Variants in WDR25 observed in about 807,000 individuals in gnomAD.
The protein encoded by WDR25 is WD repeat domain 25, also known as WD repeat-containing protein 25.
Under a neutral mutation model 47.7 loss-of-function variants are expected in WDR25, and 35 were observed. That is an observed-to-expected ratio of 0.73 (90% CI 0.56 to 0.97). The LOEUF is 0.97. Ranked by LOEUF, WDR25 falls within the 50% of genes least tolerant of loss-of-function variation. WDR25 has a pLI of 0.00. For synonymous variants in WDR25, 248 were observed against 278.9 expected, an observed-to-expected ratio of 0.89 and a Z score of 1.10; for missense variants, 634 against 704.7, an observed-to-expected ratio of 0.90 and a Z score of 1.14.
In WDR25 at chr14:100,526,041, G is replaced by A. The variant is rs142505900; in HGVS notation, c.1272+1G>A. ...CAAAATCTCCAACCAGATTTTCCAC[G>A]TAAGAAATCCCATTTGGCATTGCTG... On this transcript the variant is annotated splice_donor_variant, in intron 5 of 6. Transcript: ENST00000402312. LOFTEE classifies it high-confidence loss of function. 2.4e-5 allele frequency: 39 copies of A among 1,613,852 alleles called. No individual in the cohort carries two copies. Among genetic ancestry groups the A allele is most frequent in the Non-Finnish European group, 3.1e-5 (36 of 1,179,956 alleles).
chr14:100,484,463 GGTGTGTGTGTGTGTGTGTGTGC>G (rs575039124), intron 4 of WDR25, among the ~76,000 whole-genome samples: 2 of 150,258 alleles, frequency 1.3e-5, no homozygotes, highest in South Asian at 2.1e-4. Context: ...ACAGAGAATT[GGTGTGTGTGTGTGTGTGTGTGC>G]GTGTGTGTGT....
At chr14:100,457,386 A>G (rs909836643) in intron 2 of WDR25, among the ~76,000 whole-genome samples, 21 of 152,240 alleles carry the variant, frequency 1.4e-4, no homozygotes, top group Admixed American at 2.6e-4. Flanking sequence ...CTGCCAGAAG[A>G]CAGTGGAACA....
intron 3 of WDR25, among the ~76,000 whole-genome samples, chr14:100,482,082 A>G (rs76215413): frequency 0.062 from 8,842 of 142,962 alleles, 474 homozygotes; most frequent in African/African-American, 0.15. Context: ...TATGAAAGAG[A>G]AAAAAAAAAA....
intron 1 of WDR25, among the ~76,000 whole-genome samples, chr14:100,378,239 G>A (rs1896777265): frequency 6.6e-6 from 1 of 151,318 alleles, no homozygotes; most frequent in Admixed American, 6.6e-5. Context: ...GCGCGATCTT[G>A]GCTCACTGCA....
chr14:100,437,388 T>G (rs1898532854), intron 2 of WDR25, among the ~76,000 whole-genome samples: 1 of 152,174 alleles, frequency 6.6e-6, no homozygotes, highest in South Asian at 2.1e-4. Context: ...GTCTCACTGT[T>G]TCAGCTCTTG....
chr14:100,478,230 T>A (rs531715692), intron 3 of WDR25, among the ~76,000 whole-genome samples: 2 of 152,390 alleles, frequency 1.3e-5, no homozygotes, highest in East Asian at 3.9e-4. Flanking sequence ...TGTTGATTGC[T>A]GTTTGCCATG....
chr14:100,525,814 T>TA lies in WDR25; in HGVS notation c.1102-55dup. On this transcript the variant is annotated intron_variant, in intron 4 of 6. Coordinates refer to ENST00000402312, the MANE Select transcript of WDR25 (RefSeq NM_001161476.3). This position sits in a 1 kb window ranked among gnomAD's most constrained non-coding sequence, Gnocchi z 4.6. ...CCCTGGGTCCTTGGCCTTCCCTGCA[T>TA]AGGCGCCTGTCCGTGCTGCCAGGCC... 6.3e-7 allele frequency: 1 copy of TA among 1,596,400 alleles called. No homozygotes were observed. The highest frequency in any genetic ancestry group is 1.7e-5 in the Admixed American group (1 of 58,740).
At position 100,392,187 on chromosome 14, in the gene WDR25, G is replaced by A. The variant is rs1051509174; in HGVS notation, c.822+10441G>A. Reference sequence around the variant, plus strand: ...CGCGAAGTACCCATAGCTATAATCCGAAAAAACAACAGCTCTTTGGGGTCC... The same window carrying A: ...CGCGAAGTACCCATAGCTATAATCCAAAAAAACAACAGCTCTTTGGGGTCC... On this transcript the variant is annotated intron_variant, in intron 2 of 6. Transcript: ENST00000402312. This position sits in a 1 kb window ranked among gnomAD's most constrained non-coding sequence, Gnocchi z 4.2. Among the ~76,000 whole-genome samples the A allele has an allele frequency of 3.3e-5, 5 of 152,028 alleles. No homozygotes were observed. Among genetic ancestry groups the A allele is most frequent in the Admixed American group, 6.6e-5 (1 of 15,252 alleles).
intron 1 of WDR25, chr14:100,376,810 G>T: frequency 2.6e-6 from 3 of 1,141,988 alleles, no homozygotes; most frequent in Non-Finnish European, 3.3e-6. Flanking sequence ...TTGACAAAGA[G>T]TACGTAATCA....
intron 4 of WDR25, among the ~76,000 whole-genome samples, chr14:100,512,732 T>G (rs933261242): frequency 1.3e-5 from 2 of 152,204 alleles, no homozygotes; most frequent in African/African-American, 4.8e-5. Flanking sequence ...ATACTATTGA[T>G]TTTTCTCTAG....
chr14:100,440,343 G>A lies in WDR25; in HGVS notation c.823-27678G>A, dbSNP rs1014340694. Among the ~76,000 whole-genome samples the A allele has an allele frequency of 2.6e-5, 4 of 152,382 alleles. No homozygotes were observed. The highest frequency in any genetic ancestry group is 4.1e-4 in the South Asian group (2 of 4,830). ...AATGCAGACAGGCAGCCACAGTCAG[G>A]GAGCCCTTCGGCCACGGCAGCGGGG... On this transcript the variant is annotated intron_variant, in intron 2 of 6. Coordinates refer to ENST00000402312, the MANE Select transcript of WDR25 (RefSeq NM_001161476.3). This position sits in a 1 kb window ranked among gnomAD's most constrained non-coding sequence, Gnocchi z 4.4.
chr14:100,385,871 T>A (rs889621784), intron 2 of WDR25, among the ~76,000 whole-genome samples: 1 of 152,168 alleles, frequency 6.6e-6, no homozygotes, highest in African/African-American at 2.4e-5. Context: ...GGAAAACATG[T>A]ACGTGGCCTG....
chr14:100,407,116 G>A lies in WDR25; in HGVS notation c.822+25370G>A, dbSNP rs1225742590. 1.3e-5 allele frequency: 2 copies of A among 152,250 alleles called. No homozygotes were observed. Among genetic ancestry groups the A allele is most frequent in the East Asian group, 3.8e-4 (2 of 5,200 alleles). The allele number at this position is 152,250 out of a possible 1,614,324, so 9.4% of individuals were successfully genotyped here. ...TTCCAGGAGAAGAAGATCAATGCCT[G>A]GGCTGAGCCTGCGGTTAACATCTTA... On this transcript the variant is annotated intron_variant, in intron 2 of 6. Coordinates refer to ENST00000402312, the MANE Select transcript of WDR25 (RefSeq NM_001161476.3). The surrounding 1 kb of genome is among the most constrained non-coding windows in gnomAD (Gnocchi z 4.1).
intron 2 of WDR25, among the ~76,000 whole-genome samples, chr14:100,429,754 A>G (rs909092719): frequency 6.6e-6 from 1 of 151,988 alleles, no homozygotes; most frequent in African/African-American, 2.4e-5. Flanking sequence ...GCACACAGCC[A>G]CCTTCTCCAC....
chr14:100,443,201 A>G (rs989854561), intron 2 of WDR25, among the ~76,000 whole-genome samples: 2 of 152,260 alleles, frequency 1.3e-5, no homozygotes, highest in Non-Finnish European at 2.9e-5. Context: ...ACCACTGCAT[A>G]TAACAGCCTC....
intron 2 of WDR25, among the ~76,000 whole-genome samples, chr14:100,435,431 A>G (rs192531027): frequency 6.6e-6 from 1 of 152,372 alleles, no homozygotes; most frequent in African/African-American, 2.4e-5. Flanking sequence ...TGTAATGAGT[A>G]TAACACATCA....
intron 3 of WDR25, among the ~76,000 whole-genome samples, chr14:100,472,043 G>A (rs111589102): frequency 0.019 from 2,880 of 152,300 alleles, 58 homozygotes; most frequent in African/African-American, 0.051. Context: ...AGAATCCCCC[G>A]GAGAGCTCCC....
At chr14:100,515,391 A>G (rs1360524771) in intron 4 of WDR25, among the ~76,000 whole-genome samples, 3 of 151,588 alleles carry the variant, frequency 2.0e-5, no homozygotes, top group Admixed American at 2.0e-4. Flanking sequence ...GGGTTTTTGG[A>G]TTTATTCCAT....
rs1449119969 is a variant in WDR25, at chr14:100,440,547, A to AG, written c.823-27471dup. On this transcript the variant is annotated intron_variant, in intron 2 of 6. Coordinates refer to ENST00000402312, the MANE Select transcript of WDR25 (RefSeq NM_001161476.3). The surrounding 1 kb of genome is among the most constrained non-coding windows in gnomAD (Gnocchi z 4.4). ...TCTCTGGAGGCTGTGCTGAGCACTG[A>AG]GGGACACTGGGAGAAAAACACAGGC... 6.6e-6 allele frequency among the ~76,000 whole-genome samples: 1 copy of AG among 152,208 alleles called. No individual in the cohort carries two copies. Among genetic ancestry groups the AG allele is most frequent in the Admixed American group, 6.5e-5 (1 of 15,282 alleles).
Sources: gnomAD v4.1 joint callset for allele counts (sites outside exome capture counted in the v4.1 genomes callset) on GRCh38, gnomAD v4.1.1 for gene constraint, Gnocchi (gnomAD v3.1) non-coding constraint, MANE v1.5 for transcripts, NCBI Gene and HGNC (gene_info 2026-07-23, HGNC 2026-07-21) for gene names.